Variants in ARHGAP15 observed in about 807,000 individuals in gnomAD.
ARHGAP15 encodes Rho GTPase activating protein 15, also known as rho GTPase-activating protein 15.
Under a neutral mutation model 63.7 loss-of-function variants are expected in ARHGAP15, and 51 were observed. The ratio of observed to expected loss-of-function variants is 0.80; its 90% CI spans 0.64 to 1.01. The LOEUF (loss-of-function observed/expected upper bound fraction) is 1.01, where lower values mean the gene tolerates loss of function less well. ARHGAP15 is among the 50% of genes least tolerant of loss of function. The pLI, the probability that ARHGAP15 is intolerant of heterozygous loss-of-function variation, is 0.00. For missense variants in ARHGAP15, 560 were observed against 564.6 expected, an observed-to-expected ratio of 0.99 and a Z score of 0.08; for synonymous variants, 191 against 193.8, an observed-to-expected ratio of 0.99 and a Z score of 0.12.
intron 1 of ARHGAP15, among the ~76,000 whole-genome samples, chr2:143,143,318 G>C (rs79712538): frequency 0.032 from 4,800 of 151,910 alleles, 263 homozygotes; most frequent in African/African-American, 0.11. Flanking sequence ...AGAAAGAAGA[G>C]GATACATTTT....
At chr2:143,143,334 G>A (rs768859879) in intron 1 of ARHGAP15, among the ~76,000 whole-genome samples, 11 of 151,942 alleles carry the variant, frequency 7.2e-5, no homozygotes, top group Non-Finnish European at 1.5e-4. Flanking sequence ...ATTTTAAGGT[G>A]TACATATACA....
chr2:143,267,628 G>A (rs183698930), intron 6 of ARHGAP15, among the ~76,000 whole-genome samples: 32 of 152,258 alleles, frequency 2.1e-4, no homozygotes, highest in African/African-American at 7.2e-4. Flanking sequence ...ATGTAAATGG[G>A]TTTAGTCCTT....
intron 5 of ARHGAP15, among the ~76,000 whole-genome samples, chr2:143,246,643 T>C (rs1050207391): frequency 6.6e-6 from 1 of 151,748 alleles, no homozygotes; most frequent in Non-Finnish European, 1.5e-5. Context: ...GGCAAGCAGA[T>C]GAGAGCGATA....
chr2:143,542,733 ATAATATATATAT>A (rs1415890348), intron 10 of ARHGAP15, among the ~76,000 whole-genome samples: 3 of 105,212 alleles, frequency 2.9e-5, no homozygotes, highest in African/African-American at 6.8e-5. Context: ...TATCACATAT[ATAATATATATAT>A]GATATATATA....
At chr2:143,327,104 A>C (rs774951449) in intron 6 of ARHGAP15, among the ~76,000 whole-genome samples, 1 of 152,222 alleles carries the variant, frequency 6.6e-6, no homozygotes, top group Non-Finnish European at 1.5e-5. Context: ...GATCACAAGC[A>C]TTCTCATACA....
At chr2:143,415,905 A>G (rs902457371) in intron 6 of ARHGAP15, among the ~76,000 whole-genome samples, 3 of 152,174 alleles carry the variant, frequency 2.0e-5, no homozygotes, top group Non-Finnish European at 4.4e-5. Context: ...GTTCTCACTC[A>G]TAAGTGGGAG....
intron 12 of ARHGAP15, among the ~76,000 whole-genome samples, chr2:143,663,303 C>T (rs1179315111): frequency 2.0e-5 from 3 of 151,316 alleles, no homozygotes; most frequent in Non-Finnish European, 2.9e-5. Flanking sequence ...GAATTTCATA[C>T]CCAGCCAAAC....
At position 143,755,494 on chromosome 2, in the gene ARHGAP15, G is replaced by A. The variant is rs1574931573; in HGVS notation, c.1245-12495G>A. Among the ~76,000 whole-genome samples the A allele has an allele frequency of 1.3e-5, 2 of 152,096 alleles. 1 individual carries two copies. Among genetic ancestry groups the A allele is most frequent in the Admixed American group, 1.3e-4 (2 of 15,266 alleles). ...CAATTCCAGTAACTGGATTACAAGA[G>A]GAAAGTTTATTCTTTCTTTCACATC... On this transcript the variant is annotated intron_variant, in intron 13 of 13. Coordinates refer to ENST00000295095, the MANE Select transcript of ARHGAP15 (RefSeq NM_018460.4).
intron 4 of ARHGAP15, among the ~76,000 whole-genome samples, chr2:143,223,119 G>A (rs1028821576): frequency 5.3e-5 from 8 of 152,066 alleles, no homozygotes; most frequent in African/African-American, 1.9e-4. Context: ...TGGGATTACA[G>A]ACACCCACCA....
At chr2:143,409,140 T>C (rs185819561) in intron 6 of ARHGAP15, among the ~76,000 whole-genome samples, 25 of 152,080 alleles carry the variant, frequency 1.6e-4, no homozygotes, top group African/African-American at 5.5e-4. Context: ...TGCCACCATG[T>C]TAAGCAATTT....
At chr2:143,649,455 T>A (rs2105294868) in intron 12 of ARHGAP15, among the ~76,000 whole-genome samples, 1 of 152,136 alleles carries the variant, frequency 6.6e-6, no homozygotes, top group African/African-American at 2.4e-5. Context: ...ATAAACATTT[T>A]TTTTAGTTGG....
intron 6 of ARHGAP15, among the ~76,000 whole-genome samples, chr2:143,261,217 C>G (rs547858727): frequency 9.9e-5 from 15 of 151,870 alleles, no homozygotes; most frequent in African/African-American, 3.6e-4. Context: ...CACCTTAAAT[C>G]CTTTACTATG....
At chr2:143,179,177 T>C (rs1163674836) in intron 2 of ARHGAP15, among the ~76,000 whole-genome samples, 2 of 152,226 alleles carry the variant, frequency 1.3e-5, no homozygotes, top group African/African-American at 4.8e-5. Context: ...AGAATCCAGC[T>C]TCTACTATTT....
intron 2 of ARHGAP15, chr2:143,171,882 T>C (rs917683866): frequency 6.6e-6 from 1 of 152,146 alleles, no homozygotes; most frequent in African/African-American, 2.4e-5. Flanking sequence ...TGTATAACAA[T>C]AATTCAGAGC....
intron 2 of ARHGAP15, among the ~76,000 whole-genome samples, chr2:143,165,997 A>G (rs145779298): frequency 0.05 from 4,647 of 93,362 alleles, 106 homozygotes; most frequent in South Asian, 0.07. Context: ...AAAGAAAGAA[A>G]GAAAGAAGGA....
intron 11 of ARHGAP15, among the ~76,000 whole-genome samples, chr2:143,569,136 C>A (rs1275977647): frequency 6.6e-6 from 1 of 151,722 alleles, no homozygotes; most frequent in Non-Finnish European, 1.5e-5. Flanking sequence ...ACGTTGTGCA[C>A]ATGTACCCTA....
chr2:143,472,275 TA>T (rs954644760), intron 8 of ARHGAP15, among the ~76,000 whole-genome samples: 22 of 152,214 alleles, frequency 1.4e-4, no homozygotes, highest in African/African-American at 5.1e-4. Flanking sequence ...GATTTCTATA[TA>T]TTTTTTTAAA....
intron 12 of ARHGAP15, among the ~76,000 whole-genome samples, chr2:143,634,088 T>C (rs1205845752): frequency 3.3e-5 from 5 of 152,186 alleles, no homozygotes; most frequent in Non-Finnish European, 7.4e-5. Context: ...AAGTCCTTTA[T>C]GATCTGGTCA....
chr2:143,333,525 A>C (rs534916301), intron 6 of ARHGAP15, among the ~76,000 whole-genome samples: 161 of 152,320 alleles, frequency 1.1e-3, no homozygotes, highest in Non-Finnish European at 2.1e-4. Flanking sequence ...AAATACTAGT[A>C]CATCAAACAA....
Sources: gnomAD v4.1 joint callset for allele counts (sites outside exome capture counted in the v4.1 genomes callset) on GRCh38, gnomAD v4.1.1 for gene constraint, MANE v1.5 for transcripts, NCBI Gene and HGNC (gene_info 2026-07-23, HGNC 2026-07-21) for gene names.